Variants in PARP10 observed in about 807,000 individuals in gnomAD.
The protein encoded by PARP10 is poly(ADP-ribose) polymerase family member 10.
A neutral mutation model predicts 82.4 loss-of-function variants in PARP10; 56 were observed. The observed-to-expected ratio is 0.68, with a 90% confidence interval of 0.55 to 0.85. The LOEUF (loss-of-function observed/expected upper bound fraction) is 0.85, where lower values mean the gene tolerates loss of function less well. Ranked by LOEUF, PARP10 falls within the 40% of genes least tolerant of loss-of-function variation. The probability of loss-of-function intolerance (pLI) is 0.00; values close to 1 mark genes in which losing one functional copy is unlikely to be tolerated. For synonymous variants in PARP10, 576 were observed against 601.1 expected (o/e 0.96, Z 0.61); for missense variants, 1,227 against 1,379.4 (o/e 0.89, Z 1.75).
chr8:143,982,829 G>A, intron 9 of PARP10, 103 bp downstream of exon 9: 1 of 1,521,786 alleles, frequency 6.6e-7, no homozygotes, highest in Non-Finnish European at 8.8e-7. Flanking sequence ...CTGGTCAGCT[G>A]ACCTTGATGT....
chr8:143,992,991 C>T (rs979971771), upstream of PARP10: 6 of 657,352 alleles, frequency 9.1e-6, no homozygotes, highest in Admixed American at 2.8e-5. Flanking sequence ...CCTGTATGTA[C>T]ACTGCAGATA....
intron 9 of PARP10, among the ~76,000 whole-genome samples, chr8:143,979,331 C>T (rs1445130286): frequency 6.6e-6 from 1 of 152,192 alleles, no homozygotes; most frequent in Non-Finnish European, 1.5e-5. Flanking sequence ...GAAGAAGTCT[C>T]ACCTTCTCAC....
At chr8:144,005,178 CAAA>C (rs797022778) in intron 1 of PARP10, among the ~76,000 whole-genome samples, 3 of 90,378 alleles carry the variant, frequency 3.3e-5, no homozygotes, top group Admixed American at 1.2e-4. Context: ...GACTCAGTCT[CAAA>C]AAAAAAAAAA....
At chr8:144,009,017 G>A (rs1834254046) in intron 1 of PARP10, among the ~76,000 whole-genome samples, 2 of 152,204 alleles carry the variant, frequency 1.3e-5, no homozygotes, top group African/African-American at 4.8e-5. Flanking sequence ...TGCACTGTGA[G>A]TCTAAGGAGG....
At chr8:144,003,107 C>A (rs1554751806) in intron 1 of PARP10, among the ~76,000 whole-genome samples, 1 of 152,160 alleles carries the variant, frequency 6.6e-6, no homozygotes, top group African/African-American at 2.4e-5. Context: ...TACATGGACA[C>A]TCCACTACAA....
At chr8:143,991,296 C>T, upstream of PARP10, 2 of 1,429,602 alleles carry the variant, frequency 1.4e-6, no homozygotes, top group Non-Finnish European at 1.9e-6. Context: ...TCCGGGGGGG[C>T]CCCAGCCACC....
In PARP10 at chr8:143,984,420, G is replaced by C; in HGVS notation, c.1470C>G (p.Ala490=). The change falls in exon 6 of 11, where the codon GCC becomes GCG. Residue 490 remains alanine (A), a synonymous_variant. Transcript: ENST00000313028. ...PDMTGFRLCG[A]QASCQAAEEF... is the part of the protein sequence containing the mutation. ...CCTCAGCCGCCTGGCAGGAAGCCTGGGCTCCACAGAGCTGCAGGGCCATTG... is the reference window on the plus strand; with the variant it reads ...CCTCAGCCGCCTGGCAGGAAGCCTGCGCTCCACAGAGCTGCAGGGCCATTG... 6.2e-7 allele frequency: 1 copy of C among 1,609,558 alleles called. No homozygotes were observed. Among genetic ancestry groups the C allele is most frequent in the Non-Finnish European group, 8.5e-7 (1 of 1,178,976 alleles).
At chr8:143,994,635 T>G (rs1834149236), upstream of PARP10, among the ~76,000 whole-genome samples, 1 of 152,146 alleles carries the variant, frequency 6.6e-6, no homozygotes. Context: ...GTGCTGTCAT[T>G]GTTCACAGAC....
rs1209594768 is a variant in PARP10, at chr8:143,982,836, A to C, written c.2556+96T>G. On this transcript the variant is annotated intron_variant, in intron 9 of 10. Transcript: ENST00000313028. ...GTCAGCTCCTGGTCAGCTGACCTTG[A>C]TGTAGGCGAGAGGGACAGGCCACAG... 3.3e-6 allele frequency: 5 copies of C among 1,537,272 alleles called. No homozygotes were observed. The African/African-American group carries it at 6.8e-5, about 21-fold the overall frequency.
At chr8:144,004,403 G>A (rs563129950) in intron 1 of PARP10, among the ~76,000 whole-genome samples, 330 of 152,282 alleles carry the variant, frequency 2.2e-3, no homozygotes, top group African/African-American at 7.7e-3. Context: ...ATTAAATCAT[G>A]ACCAGGCATT....
chr8:144,009,598 A>C (rs1587478038), intron 1 of PARP10, among the ~76,000 whole-genome samples: 1 of 152,088 alleles, frequency 6.6e-6, no homozygotes, highest in East Asian at 1.9e-4. Flanking sequence ...TCCAGCCCAC[A>C]CAGTAGGTTC....
Position 144,011,362 on chromosome 8 carries a change from G to A in PARP10, c.-80+1168C>T, listed in dbSNP as rs533319542. On this transcript the variant is annotated intron_variant, in intron 1 of 3. Transcript: ENST00000530478. This position sits in a 1 kb window ranked among gnomAD's most constrained non-coding sequence, Gnocchi z 4.5. Reference sequence around the variant, plus strand: ...TACAGTCTGAAGCATTAGAGGAGGGGTGGGGGTAGGCCCCCCATTGTGAGG... The same window carrying A: ...TACAGTCTGAAGCATTAGAGGAGGGATGGGGGTAGGCCCCCCATTGTGAGG... Among the ~76,000 whole-genome samples the A allele has an allele frequency of 6.6e-6, 1 of 152,144 alleles. No individual in the cohort carries two copies. The highest frequency in any genetic ancestry group is 6.5e-5 in the Admixed American group (1 of 15,286).
At chr8:143,997,848 G>C (rs1339118872) in intron 1 of PARP10, among the ~76,000 whole-genome samples, 1 of 151,070 alleles carries the variant, frequency 6.6e-6, no homozygotes, top group Admixed American at 6.6e-5. Context: ...CCGGGACACA[G>C]ATCATGGGTC....
intron 9 of PARP10, among the ~76,000 whole-genome samples, chr8:143,979,397 T>C (rs1433797241): frequency 6.6e-6 from 1 of 152,206 alleles, no homozygotes; most frequent in Non-Finnish European, 1.5e-5. Context: ...GGATATTTTT[T>C]AACTTTCCAA....
At chr8:143,993,002 C>A (rs1834126890), upstream of PARP10, 1 of 635,074 alleles carries the variant, frequency 1.6e-6, no homozygotes, top group African/African-American at 1.8e-5. Flanking sequence ...ACTGCAGATA[C>A]TTCCATTTGG....
chr8:143,991,088 G>A (rs1834084861), upstream of PARP10: 1 of 615,198 alleles, frequency 1.6e-6, no homozygotes, highest in Non-Finnish European at 2.8e-6. Flanking sequence ...AAAGGTCACG[G>A]TCTTCCCTTG....
At position 144,005,714 on chromosome 8, in the gene PARP10, C is replaced by T. The variant is rs192151548; in HGVS notation, c.-80+6816G>A. On this transcript the variant is annotated intron_variant, in intron 1 of 3. Transcript: ENST00000530478. Reference sequence around the variant, plus strand: ...TTCAAAAACACACCAAGCCTGCTACCCACCCCAGGGCGTCTGCACTGGCTG... The same window carrying T: ...TTCAAAAACACACCAAGCCTGCTACTCACCCCAGGGCGTCTGCACTGGCTG... Among the ~76,000 whole-genome samples, 4 of 152,184 alleles carry T rather than the reference C, an allele frequency of 2.6e-5. No homozygotes were observed. The East Asian group carries it at 7.7e-4, about 29-fold the overall frequency.
chr8:143,991,864 G>C (rs376091130), upstream of PARP10: 164 of 1,610,280 alleles, frequency 1.0e-4, no homozygotes, highest in African/African-American at 1.2e-4. Context: ...GACTCTGAGC[G>C]GCTCCTTCCC....
At chr8:143,996,402 C>T (rs1327954673) in intron 1 of PARP10, among the ~76,000 whole-genome samples, 13 of 152,196 alleles carry the variant, frequency 8.5e-5, no homozygotes, top group African/African-American at 2.9e-4. Flanking sequence ...ATCAACGGTG[C>T]CTGCTGAAAC....
Sources: gnomAD v4.1 joint callset for allele counts (sites outside exome capture counted in the v4.1 genomes callset) on GRCh38, gnomAD v4.1.1 for gene constraint, Gnocchi (gnomAD v3.1) non-coding constraint, MANE v1.5 for transcripts, NCBI Gene and HGNC (gene_info 2026-07-23, HGNC 2026-07-21) for gene names.